Variants in CNTN4 observed in about 807,000 individuals in gnomAD.
The protein encoded by CNTN4 is contactin-4.
CNTN4 carries 77 observed loss-of-function variants against 122.5 expected under a neutral mutation model. That is an observed-to-expected ratio of 0.63 (90% CI 0.52 to 0.76). The LOEUF is 0.76. Among genes scored for constraint, CNTN4 ranks in the 30% least tolerant of loss-of-function variants. The probability of loss-of-function intolerance (pLI) is 0.00; values close to 1 mark genes in which losing one functional copy is unlikely to be tolerated. For synonymous variants in CNTN4, 512 were observed against 447.0 expected (o/e 1.15, Z -1.83); for missense variants, 1,256 against 1,259.1 (o/e 1.00, Z 0.04).
At chr3:2,993,334 G>A (rs961643190) in intron 14 of CNTN4, among the ~76,000 whole-genome samples, 10 of 141,262 alleles carry the variant, frequency 7.1e-5, no homozygotes, top group African/African-American at 2.6e-4. Context: ...TTTCCCTGTT[G>A]TTGCCCAGGC....
intron 2 of CNTN4, among the ~76,000 whole-genome samples, chr3:2,140,903 A>G (rs1379095030): frequency 6.6e-6 from 1 of 152,182 alleles, no homozygotes; most frequent in Non-Finnish European, 1.5e-5. Context: ...GTGTCGGAAC[A>G]TCTTTTGATT....
intron 3 of CNTN4, among the ~76,000 whole-genome samples, chr3:2,420,005 T>C (rs2047556871): frequency 6.6e-6 from 1 of 152,166 alleles, no homozygotes; most frequent in Admixed American, 6.5e-5. Context: ...ATTGGCAACA[T>C]GACATCTGGA....
chr3:2,539,971 A>G (rs1291968490), intron 3 of CNTN4, among the ~76,000 whole-genome samples: 1 of 152,048 alleles, frequency 6.6e-6, no homozygotes, highest in Non-Finnish European at 1.5e-5. Flanking sequence ...AGACTCAATA[A>G]TGACATTGAG....
At chr3:2,478,762 C>T (rs547371228) in intron 3 of CNTN4, among the ~76,000 whole-genome samples, 2 of 152,172 alleles carry the variant, frequency 1.3e-5, no homozygotes, top group African/African-American at 4.8e-5. Context: ...AGGACATGAT[C>T]TCATTCTTTT....
At chr3:2,561,625 T>C (rs978565578) in intron 3 of CNTN4, among the ~76,000 whole-genome samples, 1 of 152,102 alleles carries the variant, frequency 6.6e-6, no homozygotes, top group African/African-American at 2.4e-5. Context: ...CAGAATCCAA[T>C]TATATGGATT....
At chr3:2,434,589 GC>G (rs2048194504) in intron 3 of CNTN4, among the ~76,000 whole-genome samples, 1 of 152,156 alleles carries the variant, frequency 6.6e-6, no homozygotes, top group African/African-American at 2.4e-5. Flanking sequence ...AATTTCCGGG[GC>G]TGGCACTGTT....
intron 3 of CNTN4, among the ~76,000 whole-genome samples, chr3:2,382,946 G>T (rs1419721084): frequency 6.6e-6 from 1 of 152,034 alleles, no homozygotes; most frequent in Non-Finnish European, 1.5e-5. Context: ...ATGGTGGCAG[G>T]CGCCTGTAAT....
intron 13 of CNTN4, among the ~76,000 whole-genome samples, chr3:2,931,984 C>T (rs548589318): frequency 4.9e-4 from 74 of 152,104 alleles, no homozygotes; most frequent in South Asian, 1.0e-3. Context: ...CTCCACCCTC[C>T]ACCCATTGGA....
chr3:2,773,707 G>A (rs998509382), intron 6 of CNTN4, among the ~76,000 whole-genome samples: 3 of 150,398 alleles, frequency 2.0e-5, no homozygotes, highest in Admixed American at 6.7e-5. Context: ...AGGCTTAGGG[G>A]GTTACCAAAC....
chr3:2,116,465 C>T (rs1051077144), intron 2 of CNTN4, among the ~76,000 whole-genome samples: 18 of 152,092 alleles, frequency 1.2e-4, no homozygotes, highest in Admixed American at 5.2e-4. Flanking sequence ...CACAGCCCCA[C>T]GCTAGGTAAT....
At position 3,037,274 on chromosome 3, in the gene CNTN4, A is replaced by G; in HGVS notation, c.2038A>G (p.Ile680Val). The G allele has an allele frequency of 6.2e-7, 1 of 1,614,114 alleles. No individual in the cohort carries two copies. Among genetic ancestry groups the G allele is most frequent in the Non-Finnish European group, 8.5e-7 (1 of 1,180,028 alleles). ...YEFRTVAANV[I>V]GIGEPSRPSE... ...ATTCCGCACAGTTGCAGCCAACGTG[A>G]TTGGGATTGGGGAGCCCAGCCGCCC... The change falls in exon 18 of 25, where the codon ATT (isoleucine) becomes GTT (valine). Residue 680 changes from isoleucine to valine, a missense_variant. Physicochemically the swap from Ile to Val is conservative, Grantham distance 29. Coordinates refer to ENST00000418658, the MANE Select transcript of CNTN4 (RefSeq NM_175607.3).
At chr3:2,765,875 A>G (rs2149726446) in intron 6 of CNTN4, among the ~76,000 whole-genome samples, 1 of 152,338 alleles carries the variant, frequency 6.6e-6, no homozygotes, top group African/African-American at 2.4e-5. Context: ...ATGACACTGT[A>G]CCCACACACA....
intron 13 of CNTN4, among the ~76,000 whole-genome samples, chr3:2,961,523 C>T (rs1392710466): frequency 6.6e-6 from 1 of 151,942 alleles, no homozygotes; most frequent in African/African-American, 2.4e-5. Flanking sequence ...AAATGACAAC[C>T]CTTGAGAGCA....
rs552500379 is a variant in CNTN4 at position 2,215,048 on chromosome 3, C to T, written c.-145+114409C>T. Among the ~76,000 whole-genome samples, 17 of 152,238 alleles carry T rather than the reference C, an allele frequency of 1.1e-4. 1 individual carries two copies. In the East Asian group the frequency reaches 2.1e-3, roughly 19 times the overall value. On this transcript the variant is annotated intron_variant, in intron 2 of 24. Transcript: ENST00000418658. ...GCTTTAGGTTCAGTTTAGTTACAGA[C>T]GCAATTGAATTCTTAAACTACAGAT...
chr3:2,416,933 C>T lies in CNTN4; in HGVS notation c.-89+77700C>T, dbSNP rs773520944. Among the ~76,000 whole-genome samples the T allele has an allele frequency of 5.3e-5, 8 of 151,526 alleles. No individual in the cohort carries two copies. The South Asian group carries it at 6.3e-4, about 12-fold the overall frequency. The stretch of plus-strand genomic sequence containing the variant: ...CCTCCCAAAGTGCTGGGATTACACG[C>T]GTGAGCCACCGCGCCCGGCCCAGTG... On this transcript the variant is annotated intron_variant, in intron 3 of 24. Transcript: ENST00000418658.
chr3:2,893,235 T>G (rs2094065014), intron 10 of CNTN4, among the ~76,000 whole-genome samples: 1 of 152,250 alleles, frequency 6.6e-6, no homozygotes, highest in South Asian at 2.1e-4. Context: ...GTAGGCTTGA[T>G]GACACTGCAA....
chr3:2,606,560 G>A lies in CNTN4; in HGVS notation c.55+35002G>A, dbSNP rs117169495. On this transcript the variant is annotated intron_variant, in intron 4 of 24. Transcript: ENST00000418658. ...TGGGTTTTAAGAGGACTTTGACAAC[G>A]AAACCATTTAGGAAGCTATTGTGTT... Among the ~76,000 whole-genome samples the A allele has an allele frequency of 1.6e-4, 25 of 152,306 alleles. No individual in the cohort carries two copies. The East Asian group carries it at 4.6e-3, about 28-fold the overall frequency.
Position 2,702,811 on chromosome 3 carries a change from C to T in CNTN4, c.56-33404C>T, listed in dbSNP as rs1001417322. 2.0e-5 allele frequency among the ~76,000 whole-genome samples: 3 copies of T among 152,160 alleles called. No individual in the cohort carries two copies. The East Asian group carries it at 5.8e-4, about 29-fold the overall frequency. On this transcript the variant is annotated intron_variant, in intron 4 of 24. Transcript: ENST00000418658. The stretch of plus-strand genomic sequence containing the variant: ...AAGGACAAAAAGGAGTTTTCCAGCA[C>T]AAATTGAGCACATTAGGCTATTATG...
At chr3:2,767,059 T>A (rs912204496) in intron 6 of CNTN4, among the ~76,000 whole-genome samples, 1 of 152,146 alleles carries the variant, frequency 6.6e-6, no homozygotes, top group East Asian at 1.9e-4. Flanking sequence ...GTGTATCACA[T>A]GGATTAAGTG....
Sources: allele counts gnomAD v4.1 joint callset (sites outside exome capture counted in the v4.1 genomes callset), GRCh38; gene constraint gnomAD v4.1.1; transcripts MANE v1.5; gene names NCBI Gene and HGNC (gene_info 2026-07-23, HGNC 2026-07-21).